NLRP8: variants seen among roughly 807,000 people sequenced by gnomAD.
NLRP8 encodes NLR family pyrin domain containing 8.
A neutral mutation model predicts 88.7 loss-of-function variants in NLRP8; 86 were observed. The ratio of observed to expected loss-of-function variants is 0.97; its 90% CI spans 0.81 to 1.16. The LOEUF is 1.16. NLRP8 is among the 50% of genes most tolerant of loss of function. NLRP8 has a pLI of 0.00. For missense variants in NLRP8, 1,342 were observed against 1,286.5 expected (o/e 1.04, Z -0.66); for synonymous variants, 504 against 494.6 (o/e 1.02, Z -0.25).
intron 8 of NLRP8, among the ~76,000 whole-genome samples, chr19:55,976,791 T>TGTATCTAAAGATACATATATATGC (rs1568468245): frequency 6.0e-5 from 9 of 150,800 alleles, no homozygotes; most frequent in South Asian, 2.1e-4. Flanking sequence ...TATATAAAGA[T>TGTATCTAAAGATACATATATATGC]ACATGTGGCC....
At chr19:55,974,377 A>G (rs1980213793) in intron 7 of NLRP8, among the ~76,000 whole-genome samples, 1 of 152,044 alleles carries the variant, frequency 6.6e-6, no homozygotes, top group African/African-American at 2.4e-5. Flanking sequence ...GTCTGTTCCC[A>G]TACATCCTTC....
At position 55,955,412 on chromosome 19, in the gene NLRP8, G is replaced by C. The variant is rs1002153541; in HGVS notation, c.1354G>C (p.Glu452Gln). Residue 452 changes from glutamate (E) to glutamine (Q), a missense_variant, in exon 3 of 10, where the codon GAA becomes CAA. Coordinates refer to ENST00000291971, the MANE Select transcript of NLRP8 (RefSeq NM_176811.2). ...CAGAAAGATCCACCAAGCACAACTG[G>C]AAGGTCTGTGTCACTTGGCCGCAGA... 6.2e-7 allele frequency: 1 copy of C among 1,614,104 alleles called. No homozygotes were observed. The highest frequency in any genetic ancestry group is 8.5e-7 in the Non-Finnish European group (1 of 1,180,048).
chr19:55,986,440 GCACTCTCTCT>G (rs1980818841), intron 9 of NLRP8, among the ~76,000 whole-genome samples: 1 of 88,442 alleles, frequency 1.1e-5, no homozygotes, highest in African/African-American at 4.5e-5. Flanking sequence ...ACACACACAT[GCACTCTCTCT>G]CTCACACACA....
chr19:55,976,978 G>A (rs1980369021), intron 8 of NLRP8, among the ~76,000 whole-genome samples: 2 of 149,110 alleles, frequency 1.3e-5, no homozygotes, highest in South Asian at 2.1e-4. Context: ...TAATCGGGAG[G>A]CTGAGGCAGG....
intron 3 of NLRP8, 145 bp from the exon 4 acceptor site, chr19:55,961,922 G>C: frequency 3.4e-6 from 2 of 583,076 alleles, no homozygotes; most frequent in African/African-American, 3.7e-5. Context: ...TGGTTTTTCT[G>C]AGTGCTTTAT....
intron 9 of NLRP8, among the ~76,000 whole-genome samples, chr19:55,985,172 G>A (rs306466): frequency 0.86 from 130,721 of 152,002 alleles, 56,232 homozygotes; most frequent in East Asian, 0.93. Context: ...GCGTGGTGGC[G>A]GGCGCCTGTA....
chr19:55,950,571 G>A (rs567238644), intron 1 of NLRP8, among the ~76,000 whole-genome samples: 1 of 152,284 alleles, frequency 6.6e-6, no homozygotes, highest in South Asian at 2.1e-4. Context: ...ATCATTCCCA[G>A]ACAGCAACGC....
At chr19:55,977,400 AT>A (rs1178277232) in intron 8 of NLRP8, among the ~76,000 whole-genome samples, 1 of 121,734 alleles carries the variant, frequency 8.2e-6, no homozygotes, top group Non-Finnish European at 1.7e-5. Flanking sequence ...ATACGAATAT[AT>A]TATATGTAAA....
rs1373829881 is a variant in NLRP8, at chr19:55,952,519, CT to C, written c.368-18del. 2 of 1,606,850 alleles carry C rather than the reference CT, an allele frequency of 1.2e-6. No homozygotes were observed. Among genetic ancestry groups the C allele is most frequent in the Non-Finnish European group, 1.7e-6 (2 of 1,173,594 alleles). On this transcript the variant is annotated intron_variant, in intron 1 of 9. Coordinates refer to ENST00000291971, the MANE Select transcript of NLRP8 (RefSeq NM_176811.2). ...GATCTTATCATTCCCGTGGAACAGC[CT>C]CCTTTTTTCTGTTACAGCCATTCTG...
chr19:55,985,860 C>T (rs306461), intron 9 of NLRP8, among the ~76,000 whole-genome samples: 139,184 of 152,174 alleles, frequency 0.91, 63,788 homozygotes, highest in African/African-American at 0.98. Flanking sequence ...TATTAAAAAT[C>T]TGAAAATTAG....
chr19:55,950,594 G>A lies in NLRP8; in HGVS notation c.368-1944G>A, dbSNP rs113010317. On this transcript the variant is annotated intron_variant, in intron 1 of 9. Transcript: ENST00000291971. ...CAGACAGCAACGCAGCAAAAAAATC[G>A]AGCTGACCTCCTAGCCGAGGTCAAA... is the stretch of plus-strand genomic sequence containing the variant. Among the ~76,000 whole-genome samples the A allele has an allele frequency of 1.4e-4, 22 of 152,268 alleles. No individual in the cohort carries two copies. In the South Asian group the frequency reaches 2.7e-3, roughly 19 times the overall value.
chr19:55,967,161 T>C (rs1449577436), intron 5 of NLRP8, among the ~76,000 whole-genome samples: 1 of 152,248 alleles, frequency 6.6e-6, no homozygotes, highest in Non-Finnish European at 1.5e-5. Context: ...CTAGGTCTTA[T>C]TCTTTTTCAA....
chr19:55,970,837 T>C (rs1980045440), intron 6 of NLRP8, 141 bp downstream of exon 6: 2 of 1,101,958 alleles, frequency 1.8e-6, no homozygotes, highest in South Asian at 3.2e-5. Flanking sequence ...GATGTAATTA[T>C]ATAGATAGGT....
intron 3 of NLRP8, among the ~76,000 whole-genome samples, chr19:55,960,486 C>T (rs974382715): frequency 2.6e-5 from 4 of 152,028 alleles, no homozygotes; most frequent in East Asian, 3.9e-4. Flanking sequence ...GTTGGTCACC[C>T]GACTAAGACC....
At chr19:55,963,054 T>A (rs903990430) in intron 4 of NLRP8, among the ~76,000 whole-genome samples, 1 of 152,012 alleles carries the variant, frequency 6.6e-6, no homozygotes, top group Non-Finnish European at 1.5e-5. Context: ...CACTTTGTTG[T>A]CCAGGCTGGA....
At chr19:55,987,752 A>AG (rs1231121241) in intron 9 of NLRP8, 3 of 1,210,066 alleles carry the variant, frequency 2.5e-6, no homozygotes, top group Non-Finnish European at 3.7e-6. Context: ...ATGCAAGCTT[A>AG]GGGAAGTCAC....
chr19:55,948,338 C>G, intron 1 of NLRP8, 69 bp downstream of exon 1: 1 of 1,489,626 alleles, frequency 6.7e-7, no homozygotes, highest in Non-Finnish European at 9.1e-7. Flanking sequence ...ACTCTAGTCA[C>G]CACCCCTATC....
chr19:55,955,899 A>G lies in NLRP8; in HGVS notation c.1841A>G (p.His614Arg), dbSNP rs754128390. 13 of 1,614,080 alleles carry G rather than the reference A, an allele frequency of 8.1e-6. No individual in the cohort carries two copies. Among genetic ancestry groups the G allele is most frequent in the Admixed American group, 1.7e-5 (1 of 59,990 alleles). Residue 614 changes from histidine (H) to arginine (R), a missense_variant, in exon 3 of 10, where the codon CAT becomes CGT. Physicochemically the swap from His to Arg is conservative, Grantham distance 29. Transcript: ENST00000291971. The stretch of plus-strand genomic sequence containing the variant: ...GTCCCGCAGTTATTCTACTGTCTGC[A>G]TGAAATCCGGGAGGAAGCCTTTGTA...
At chr19:55,963,736 G>A (rs1370707795) in intron 4 of NLRP8, among the ~76,000 whole-genome samples, 1 of 151,496 alleles carries the variant, frequency 6.6e-6, no homozygotes, top group African/African-American at 2.4e-5. Context: ...TTAATTTTTT[G>A]TAGAGACAAG....
Sources: gnomAD v4.1 joint callset for allele counts (sites outside exome capture counted in the v4.1 genomes callset) on GRCh38, gnomAD v4.1.1 for gene constraint, MANE v1.5 for transcripts, NCBI Gene and HGNC (gene_info 2026-07-23, HGNC 2026-07-21) for gene names.